FGF14: variants seen among roughly 807,000 people sequenced by gnomAD.
FGF14 encodes the protein fibroblast growth factor homologous factor 4.
Under a neutral mutation model 25.5 loss-of-function variants are expected in FGF14, and 5 were observed. The observed-to-expected ratio is 0.20, with a 90% CI of 0.10 to 0.41. The LOEUF (loss-of-function observed/expected upper bound fraction) is 0.41. Among genes scored for constraint, FGF14 ranks in the 10% least tolerant of loss-of-function variants. FGF14 has a pLI of 1.00. For missense variants in FGF14, 222 were observed against 320.1 expected, an observed-to-expected ratio of 0.69 and a Z score of 2.34; for synonymous variants, 138 against 118.3, an observed-to-expected ratio of 1.17 and a Z score of -1.08.
chr13:101,788,903 TATATATAGAGAGAG>T (rs1375140709), intron 3 of FGF14, among the ~76,000 whole-genome samples: 189 of 35,552 alleles, frequency 5.3e-3, no homozygotes, highest in East Asian at 0.024. Flanking sequence ...TATATATATA[TATATATAGAGAGAG>T]AGAGAGAGAG....
chr13:102,349,970 T>C (rs1056065716), intron 1 of FGF14, among the ~76,000 whole-genome samples: 1 of 152,248 alleles, frequency 6.6e-6, no homozygotes, highest in Non-Finnish European at 1.5e-5. Context: ...GCACACTGAA[T>C]TATGCTGCAC....
At chr13:102,222,057 A>T (rs571551433) in intron 1 of FGF14, among the ~76,000 whole-genome samples, 3 of 152,310 alleles carry the variant, frequency 2.0e-5, no homozygotes, top group African/African-American at 7.2e-5. Flanking sequence ...AACTTATTAT[A>T]CACCTCCAAA....
intron 1 of FGF14, among the ~76,000 whole-genome samples, chr13:101,880,595 C>G (rs2045651929): frequency 6.6e-6 from 1 of 152,020 alleles, no homozygotes; most frequent in African/African-American, 2.4e-5. Context: ...CAAAAATAAA[C>G]AAATGAAAAA....
chr13:102,021,264 A>G (rs1396697849), intron 1 of FGF14, among the ~76,000 whole-genome samples: 1 of 152,052 alleles, frequency 6.6e-6, no homozygotes. Context: ...GGATGAAACA[A>G]TGATATATTT....
chr13:101,929,367 A>G (rs1427308045), intron 1 of FGF14, among the ~76,000 whole-genome samples: 1 of 152,088 alleles, frequency 6.6e-6, no homozygotes, highest in Admixed American at 6.5e-5. Context: ...AAATAGAGGA[A>G]CCCTGAGTTA....
chr13:102,124,186 A>G (rs2045853461), intron 1 of FGF14, among the ~76,000 whole-genome samples: 1 of 152,186 alleles, frequency 6.6e-6, no homozygotes, highest in African/African-American at 2.4e-5. Context: ...ATTAATAGTC[A>G]CTAAAAATTA....
In FGF14 at chr13:102,023,572, T is replaced by C. The variant is rs919845678; in HGVS notation, c.209-148276A>G. ...AAATTTTATCATCACAAAAAGAAAC[T>C]ACACACTCATTATCAATCATTTCTT... is the stretch of plus-strand genomic sequence containing the variant. On this transcript the variant is annotated intron_variant, in intron 1 of 4. Coordinates refer to the FGF14 transcript ENST00000376131. 5.3e-5 allele frequency among the ~76,000 whole-genome samples: 8 copies of C among 152,042 alleles called. No homozygotes were observed. In the South Asian group the frequency reaches 1.7e-3, roughly 32 times the overall value.
intron 1 of FGF14, among the ~76,000 whole-genome samples, chr13:102,115,273 G>C (rs148166637): frequency 7.9e-5 from 12 of 152,140 alleles, no homozygotes; most frequent in Admixed American, 7.9e-4. Context: ...TCCCTTCCCC[G>C]CTTGTCCCCA....
intron 3 of FGF14, among the ~76,000 whole-genome samples, chr13:101,753,464 A>G (rs930626988): frequency 7.9e-5 from 12 of 152,086 alleles, no homozygotes; most frequent in African/African-American, 2.9e-4. Context: ...GCAAATTTTT[A>G]TTGTTGTCAT....
At chr13:101,978,581 GT>G (rs2038068448) in intron 1 of FGF14, among the ~76,000 whole-genome samples, 1 of 152,144 alleles carries the variant, frequency 6.6e-6, no homozygotes, top group Non-Finnish European at 1.5e-5. Context: ...TACCAAATGG[GT>G]TTTCTAAGCA....
chr13:102,314,068 G>A (rs973774366), intron 1 of FGF14, among the ~76,000 whole-genome samples: 10 of 151,606 alleles, frequency 6.6e-5, no homozygotes, highest in Non-Finnish European at 1.0e-4. Flanking sequence ...CAGGGGCCAC[G>A]CAAGCCATCT....
chr13:101,815,305 T>G (rs2984832), intron 3 of FGF14, among the ~76,000 whole-genome samples: 19 of 152,056 alleles, frequency 1.2e-4, no homozygotes, highest in South Asian at 6.2e-4. Flanking sequence ...AGGAAAGGCA[T>G]GAAAGAGGTA....
chr13:101,871,686 A>G (rs976606322), intron 2 of FGF14, among the ~76,000 whole-genome samples: 2 of 152,008 alleles, frequency 1.3e-5, no homozygotes, highest in Non-Finnish European at 2.9e-5. Context: ...CCAAAAGCAA[A>G]GTGGGGGGAA....
chr13:101,781,724 A>G (rs1212424121), intron 3 of FGF14, among the ~76,000 whole-genome samples: 1 of 152,224 alleles, frequency 6.6e-6, no homozygotes, highest in Non-Finnish European at 1.5e-5. Flanking sequence ...TCCAAATTTG[A>G]TACTTTTGTC....
At chr13:102,275,756 T>G (rs2053506438) in intron 1 of FGF14, among the ~76,000 whole-genome samples, 1 of 152,166 alleles carries the variant, frequency 6.6e-6, no homozygotes, top group Admixed American at 6.5e-5. Flanking sequence ...TCTTTCCAAT[T>G]GTCACCTCTG....
At chr13:102,245,508 G>A (rs1434903553) in intron 1 of FGF14, among the ~76,000 whole-genome samples, 1 of 151,920 alleles carries the variant, frequency 6.6e-6, no homozygotes, top group African/African-American at 2.4e-5. Context: ...CTAAATGAAG[G>A]AGTAAATTTA....
chr13:101,810,986 G>A (rs899612045), intron 3 of FGF14, among the ~76,000 whole-genome samples: 1 of 151,922 alleles, frequency 6.6e-6, no homozygotes, highest in Non-Finnish European at 1.5e-5. Context: ...TGAGAGAAAG[G>A]TATGAAGATT....
intron 1 of FGF14, among the ~76,000 whole-genome samples, chr13:102,290,370 T>C (rs934687065): frequency 4.6e-5 from 7 of 152,148 alleles, no homozygotes; most frequent in Non-Finnish European, 7.4e-5. Context: ...CATCCCAGCT[T>C]CCAGAACTGG....
At chr13:101,787,243 A>G (rs949820978) in intron 3 of FGF14, among the ~76,000 whole-genome samples, 2 of 152,200 alleles carry the variant, frequency 1.3e-5, no homozygotes, top group Non-Finnish European at 2.9e-5. Flanking sequence ...CCTGATTTCA[A>G]ATAGTGTTGT....
Sources: allele counts gnomAD v4.1 joint callset (sites outside exome capture counted in the v4.1 genomes callset), GRCh38; gene constraint gnomAD v4.1.1; transcripts MANE v1.5; gene names NCBI Gene and HGNC (gene_info 2026-07-23, HGNC 2026-07-21).